Variants in PRDM16 observed in about 807,000 individuals in gnomAD.
PRDM16 encodes histone-lysine N-methyltransferase PRDM16.
Under a neutral mutation model 110.6 loss-of-function variants are expected in PRDM16, and 23 were observed. The ratio of observed to expected loss-of-function variants is 0.21; its 90% confidence interval spans 0.15 to 0.29. The LOEUF (loss-of-function observed/expected upper bound fraction) is 0.29, where lower values mean the gene tolerates loss of function less well. PRDM16 is among the 10% of genes least tolerant of loss of function. The pLI is 1.00. For synonymous variants in PRDM16, 799 were observed against 781.8 expected, an observed-to-expected ratio of 1.02 and a Z score of -0.37; for missense variants, 1,615 against 1,794.3, an observed-to-expected ratio of 0.90 and a Z score of 1.81.
chr1:3,430,651 G>A (rs868131828), intron 14 of PRDM16, among the ~76,000 whole-genome samples: 14 of 152,218 alleles, frequency 9.2e-5, no homozygotes, highest in Non-Finnish European at 1.5e-4. Context: ...CCACCGCCCC[G>A]AGCGCTTGCC....
rs1293781947 is a variant in PRDM16 at position 3,437,337 on chromosome 1, C to CA, written c.*3530dup. The CA allele has an allele frequency of 4.7e-5, 11 of 232,798 alleles. No homozygotes were observed. The highest frequency in any genetic ancestry group is 1.3e-3 in the Middle Eastern group (1 of 784). 14.4% of individuals were successfully genotyped at this position (232,798 alleles called of 1,614,324 possible). On this transcript the variant is annotated 3_prime_UTR_variant, in exon 17 of 17. Transcript: ENST00000270722. ...TTCCCCGCTTCCCCATGAGCGTCTG[C>CA]AAAACACTTGCCTGAATACATATCA...
At chr1:3,415,971 C>T (rs544525261) in intron 10 of PRDM16, among the ~76,000 whole-genome samples, 1 of 152,214 alleles carries the variant, frequency 6.6e-6, no homozygotes. Flanking sequence ...GTTGATGGCT[C>T]AGGGAGCAAG....
At chr1:3,204,419 C>T (rs944912818) in intron 2 of PRDM16, among the ~76,000 whole-genome samples, 1 of 152,222 alleles carries the variant, frequency 6.6e-6, no homozygotes, top group Non-Finnish European at 1.5e-5. Context: ...AGGAATCCCA[C>T]ACTGATCCCT....
At chr1:3,070,604 C>A (rs1299141474) in intron 1 of PRDM16, among the ~76,000 whole-genome samples, 2 of 151,172 alleles carry the variant, frequency 1.3e-5, no homozygotes, top group South Asian at 2.1e-4. Context: ...CGACCCACGC[C>A]GTTCCGTCCG....
rs1557553778 is a variant in PRDM16, at chr1:3,244,147, CTCGCCCTGCGCCGTCTCAGCTCCCCAGCG to C, written c.438+13_438+41del. 1 of 1,613,504 alleles carries C rather than the reference CTCGCCCTGCGCCGTCTCAGCTCCCCAGCG, an allele frequency of 6.2e-7. No homozygotes were observed. The highest frequency in any genetic ancestry group is 1.1e-5 in the South Asian group (1 of 91,078). On this transcript the variant is annotated intron_variant, in intron 3 of 16. Transcript: ENST00000270722. This position sits in a 1 kb window ranked among gnomAD's most constrained non-coding sequence, Gnocchi z 4.1. ...AGGCTGCATCACAAAGGTAGGAGAG[CTCGCCCTGCGCCGTCTCAGCTCCCCAGCG>C]TCCTCGGAGCTCCTGGCGGGGCGAC...
chr1:3,212,965 C>T (rs1035435981), intron 2 of PRDM16, among the ~76,000 whole-genome samples: 5 of 152,198 alleles, frequency 3.3e-5, no homozygotes, highest in African/African-American at 7.2e-5. Flanking sequence ...TTTAAGAGCT[C>T]CCTGGCAGCA....
chr1:3,273,340 G>A (rs1640500707), intron 3 of PRDM16, among the ~76,000 whole-genome samples: 1 of 152,230 alleles, frequency 6.6e-6, no homozygotes, highest in African/African-American at 2.4e-5. Flanking sequence ...GTGGGGAGCA[G>A]CAGTGACACT....
intron 1 of PRDM16, among the ~76,000 whole-genome samples, chr1:3,096,487 C>T (rs1401226902): frequency 2.0e-5 from 3 of 152,190 alleles, no homozygotes; most frequent in Non-Finnish European, 2.9e-5. Context: ...GTCTGTGTTT[C>T]GAATCCACAC....
At position 3,425,564 on chromosome 1, in the gene PRDM16, G is replaced by A. The variant is rs41301967; in HGVS notation, c.2940-17G>A. ...AGAGCCGGGGCCTGCACTGAGGAGC[G>A]CGTGTGCCCCTTCCAGGTGTAAGTA... On this transcript the variant is annotated splice_polypyrimidine_tract_variant and intron_variant, in intron 12 of 16. Coordinates refer to ENST00000270722, the MANE Select transcript of PRDM16 (RefSeq NM_022114.4). The surrounding 1 kb of genome is among the most constrained non-coding windows in gnomAD (Gnocchi z 6.9). 30,907 of 1,612,458 alleles carry A rather than the reference G, an allele frequency of 0.019. 378 individuals carry two copies. The highest frequency in any genetic ancestry group is 0.024 in the Non-Finnish European group (27,731 of 1,179,218).
chr1:3,108,571 A>G (rs1642717336), intron 1 of PRDM16, among the ~76,000 whole-genome samples: 1 of 152,140 alleles, frequency 6.6e-6, no homozygotes, highest in East Asian at 1.9e-4. Flanking sequence ...CAGCTATTGG[A>G]GTAATCGCCA....
intron 4 of PRDM16, among the ~76,000 whole-genome samples, chr1:3,394,196 G>C (rs933972353): frequency 6.6e-6 from 1 of 152,114 alleles, no homozygotes. Flanking sequence ...GAGCTGCGGT[G>C]GGGGGCATCC....
intron 1 of PRDM16, among the ~76,000 whole-genome samples, chr1:3,181,671 T>TACACACGGTCTTACATATGGTCTTAC (rs1185739511): frequency 7.3e-5 from 9 of 124,118 alleles, no homozygotes; most frequent in Non-Finnish European, 1.1e-4. Context: ...TACACAGTCT[T>TACACACGGTCTTACATATGGTCTTAC]ACACGCGCAG....
chr1:3,134,513 G>A (rs765060023), intron 1 of PRDM16, among the ~76,000 whole-genome samples: 33 of 152,174 alleles, frequency 2.2e-4, no homozygotes, highest in Non-Finnish European at 3.8e-4. Context: ...ATCAGAACTC[G>A]CACCCTTGTG....
At chr1:3,336,024 C>T (rs1196633588) in intron 3 of PRDM16, among the ~76,000 whole-genome samples, 5 of 152,230 alleles carry the variant, frequency 3.3e-5, no homozygotes, top group Non-Finnish European at 4.4e-5. Flanking sequence ...TGTGACGTCT[C>T]GACAGCCTGC....
chr1:3,181,796 A>ACACACGGTCTTACACATGCG (rs1644206480), intron 1 of PRDM16, among the ~76,000 whole-genome samples: 2 of 134,622 alleles, frequency 1.5e-5, no homozygotes, highest in Non-Finnish European at 3.2e-5. Context: ...TTACACATGC[A>ACACACGGTCTTACACATGCG]GTCTTACACA....
chr1:3,151,013 T>TG (rs1229574388), intron 1 of PRDM16, among the ~76,000 whole-genome samples: 2 of 54,162 alleles, frequency 3.7e-5, no homozygotes, highest in African/African-American at 1.6e-4. Context: ...GCTATGGAAA[T>TG]GGGGGGCTGG....
At chr1:3,352,536 G>C (rs934849417) in intron 3 of PRDM16, among the ~76,000 whole-genome samples, 1 of 152,118 alleles carries the variant, frequency 6.6e-6, no homozygotes, top group Non-Finnish European at 1.5e-5. Context: ...TCCCTCCACG[G>C]GCCCAGCCTC....
rs1035797491 is a variant in PRDM16 at position 3,143,071 on chromosome 1, G to A, written c.38-43054G>A. 3.3e-5 allele frequency among the ~76,000 whole-genome samples: 5 copies of A among 152,204 alleles called. No homozygotes were observed. Among genetic ancestry groups the A allele is most frequent in the Admixed American group, 3.3e-4 (5 of 15,290 alleles). On this transcript the variant is annotated intron_variant, in intron 1 of 16. Coordinates refer to ENST00000270722, the MANE Select transcript of PRDM16 (RefSeq NM_022114.4). The surrounding 1 kb of genome is among the most constrained non-coding windows in gnomAD (Gnocchi z 4.5). ...TAGGGGCTGGAGAATTCGTACCCGC[G>A]GGCACCCATGGAAGCCTGAGCTCTG...
intron 1 of PRDM16, among the ~76,000 whole-genome samples, chr1:3,176,527 C>T (rs1246673506): frequency 6.6e-6 from 1 of 152,032 alleles, no homozygotes. Flanking sequence ...CCCACCCATC[C>T]ATTCATCCAT....
Sources: gnomAD v4.1 joint callset for allele counts (sites outside exome capture counted in the v4.1 genomes callset) on GRCh38, gnomAD v4.1.1 for gene constraint, Gnocchi (gnomAD v3.1) non-coding constraint, MANE v1.5 for transcripts, NCBI Gene and HGNC (gene_info 2026-07-23, HGNC 2026-07-21) for gene names.